DACH1: variants seen among roughly 807,000 people sequenced by gnomAD.
The protein encoded by DACH1 is dachshund family transcription factor 1.
In DACH1, 12 loss-of-function variants were observed where a neutral mutation model predicts 54.2. That is an observed-to-expected ratio of 0.22 (90% confidence interval 0.14 to 0.36). The LOEUF (loss-of-function observed/expected upper bound fraction) is 0.36, where lower values mean the gene tolerates loss of function less well. DACH1 is among the 10% of genes least tolerant of loss of function. The probability of loss-of-function intolerance (pLI) is 1.00; values close to 1 mark genes in which losing one functional copy is unlikely to be tolerated. For synonymous variants in DACH1, 386 were observed against 366.2 expected, an observed-to-expected ratio of 1.05 and a Z score of -0.62; for missense variants, 805 against 929.8, an observed-to-expected ratio of 0.87 and a Z score of 1.75.
At chr13:71,648,512 T>A (rs1382075515) in intron 2 of DACH1, among the ~76,000 whole-genome samples, 1 of 152,188 alleles carries the variant, frequency 6.6e-6, no homozygotes, top group Non-Finnish European at 1.5e-5. Context: ...AATGTCCATC[T>A]TTGATACCAT....
chr13:71,580,136 G>A (rs1286028939), intron 3 of DACH1, among the ~76,000 whole-genome samples: 1 of 152,154 alleles, frequency 6.6e-6, no homozygotes, highest in East Asian at 1.9e-4. Context: ...AAAGGACAAT[G>A]TAGAAATGAC....
intron 1 of DACH1, among the ~76,000 whole-genome samples, chr13:71,749,719 T>C: frequency 6.6e-6 from 1 of 152,154 alleles, no homozygotes; most frequent in East Asian, 1.9e-4. Context: ...GGAACAACAC[T>C]TGGGAAACTG....
chr13:71,643,338 A>T (rs371903674), intron 2 of DACH1, among the ~76,000 whole-genome samples: 26 of 152,314 alleles, frequency 1.7e-4, no homozygotes, highest in East Asian at 1.2e-3. Context: ...CTTACCATAC[A>T]TCTTTCTTAT....
chr13:71,469,665 A>C (rs1876898998), intron 10 of DACH1, among the ~76,000 whole-genome samples: 1 of 152,174 alleles, frequency 6.6e-6, no homozygotes, highest in African/African-American at 2.4e-5. Flanking sequence ...GTCCTTTCCC[A>C]ATGTTAAAGC....
chr13:71,644,601 G>A (rs952756690), intron 2 of DACH1, among the ~76,000 whole-genome samples: 2 of 152,170 alleles, frequency 1.3e-5, no homozygotes, highest in Admixed American at 1.3e-4. Context: ...AAGAGAGCTG[G>A]CTCTGTACTA....
intron 2 of DACH1, among the ~76,000 whole-genome samples, chr13:71,667,745 C>T (rs1879935223): frequency 6.6e-6 from 1 of 152,126 alleles, no homozygotes. Flanking sequence ...TATCCTTAAA[C>T]TTAATTTATT....
Position 71,866,335 on chromosome 13 carries a change from ACTGCTGCTGCTG to A in DACH1, c.423_434del (p.Ser160_Ser163del). 6.6e-7 allele frequency: 1 copy of A among 1,510,066 alleles called. No homozygotes were observed. Among genetic ancestry groups the A allele is most frequent in the Non-Finnish European group, 8.9e-7 (1 of 1,119,702 alleles). The allele number at this position is 1,510,066 out of a possible 1,614,324, so 93.5% of individuals were successfully genotyped here. A position where few individuals can be genotyped will look rare whatever the true frequency, so the allele number is the denominator to read the frequency against. ...TACTGCTGCTGCTGCTGCTGCTGCT[ACTGCTGCTGCTG>A]CTGCTGCCGGTGCTGGCGTTGATGG... On this transcript the variant is annotated inframe_deletion, in exon 1 of 11. Coordinates refer to ENST00000613252, the MANE Select transcript of DACH1 (RefSeq NM_080759.6).
At chr13:71,521,461 T>G (rs1385225767) in intron 6 of DACH1, among the ~76,000 whole-genome samples, 2 of 152,016 alleles carry the variant, frequency 1.3e-5, no homozygotes, top group African/African-American at 4.8e-5. Context: ...ACTGCTTGAA[T>G]GGGAATCCAA....
intron 3 of DACH1, among the ~76,000 whole-genome samples, chr13:71,583,863 G>A (rs980682914): frequency 5.9e-5 from 9 of 151,996 alleles, no homozygotes; most frequent in Admixed American, 5.9e-4. Flanking sequence ...TCATCATCCA[G>A]GGGGCCTTTA....
chr13:71,712,009 G>A (rs1882743452), intron 1 of DACH1, among the ~76,000 whole-genome samples: 1 of 152,074 alleles, frequency 6.6e-6, no homozygotes, highest in African/African-American at 2.4e-5. Context: ...CATAGCTAAT[G>A]TCGTTCCAAA....
At chr13:71,670,783 C>G (rs187553775) in intron 2 of DACH1, among the ~76,000 whole-genome samples, 1 of 152,026 alleles carries the variant, frequency 6.6e-6, no homozygotes, top group East Asian at 1.9e-4. Flanking sequence ...TCATCACTTA[C>G]AAGATGTTAC....
At chr13:71,756,062 ACT>A (rs1885135442) in intron 1 of DACH1, among the ~76,000 whole-genome samples, 1 of 151,854 alleles carries the variant, frequency 6.6e-6, no homozygotes, top group African/African-American at 2.4e-5. Context: ...ACGAAGTCTC[ACT>A]CTGTCGCCCA....
At chr13:71,782,594 G>A (rs1259135772) in intron 1 of DACH1, among the ~76,000 whole-genome samples, 2 of 152,062 alleles carry the variant, frequency 1.3e-5, no homozygotes, top group African/African-American at 2.4e-5. Flanking sequence ...GTGTTAAAGT[G>A]AATAGTTTCT....
At chr13:71,858,687 A>G (rs1874160603) in intron 1 of DACH1, among the ~76,000 whole-genome samples, 1 of 151,760 alleles carries the variant, frequency 6.6e-6, no homozygotes, top group Non-Finnish European at 1.5e-5. Flanking sequence ...GGTAACCACC[A>G]TTCTACTCTC....
intron 6 of DACH1, among the ~76,000 whole-genome samples, chr13:71,546,426 C>T (rs989224762): frequency 6.6e-6 from 1 of 151,568 alleles, no homozygotes; most frequent in African/African-American, 2.4e-5. Flanking sequence ...CTGAAATATA[C>T]CAATAAAATA....
At chr13:71,525,208 G>A (rs1307808748) in intron 6 of DACH1, among the ~76,000 whole-genome samples, 1 of 152,084 alleles carries the variant, frequency 6.6e-6, no homozygotes, top group Non-Finnish European at 1.5e-5. Context: ...ATCCTTAACT[G>A]CCTGAGATCG....
At chr13:71,521,864 A>C (rs939587738) in intron 6 of DACH1, among the ~76,000 whole-genome samples, 4 of 152,144 alleles carry the variant, frequency 2.6e-5, no homozygotes, top group Non-Finnish European at 5.9e-5. Context: ...GTCCATACTA[A>C]TAATAATGAA....
chr13:71,551,962 G>A (rs1353682471), intron 6 of DACH1, among the ~76,000 whole-genome samples: 4 of 152,028 alleles, frequency 2.6e-5, no homozygotes, highest in African/African-American at 9.7e-5. Context: ...AGCAGAATAT[G>A]ACACAAAAGA....
At chr13:71,539,262 G>GTA (rs1593857262) in intron 6 of DACH1, among the ~76,000 whole-genome samples, 1 of 152,044 alleles carries the variant, frequency 6.6e-6, no homozygotes, top group East Asian at 1.9e-4. Flanking sequence ...TCTATGGCCC[G>GTA]TAGTGATATT....
Sources: allele counts gnomAD v4.1 joint callset (sites outside exome capture counted in the v4.1 genomes callset), GRCh38; gene constraint gnomAD v4.1.1; transcripts MANE v1.5; gene names NCBI Gene and HGNC (gene_info 2026-07-23, HGNC 2026-07-21).